TRAPPC9: variants seen among roughly 807,000 people sequenced by gnomAD.
TRAPPC9 encodes the protein IKK2 binding protein.
TRAPPC9 carries 83 observed loss-of-function variants against 124.0 expected under a neutral mutation model. The ratio of observed to expected loss-of-function variants is 0.67; its 90% confidence interval spans 0.56 to 0.80. The LOEUF (loss-of-function observed/expected upper bound fraction) is 0.80. TRAPPC9 is among the 30% of genes least tolerant of loss of function. The pLI is 0.00. For synonymous variants in TRAPPC9, 638 were observed against 617.5 expected (o/e 1.03, Z -0.49); for missense variants, 1,302 against 1,508.3 (o/e 0.86, Z 2.27).
chr8:139,903,464 C>T (rs2131235094), intron 20 of TRAPPC9, among the ~76,000 whole-genome samples: 1 of 152,328 alleles, frequency 6.6e-6, no homozygotes, highest in South Asian at 2.1e-4. Context: ...CTCAGCAAGC[C>T]TTGCACCAAT....
At chr8:140,264,632 G>C (rs13264866) in intron 15 of TRAPPC9, among the ~76,000 whole-genome samples, 1 of 150,946 alleles carries the variant, frequency 6.6e-6, no homozygotes, top group Non-Finnish European at 1.5e-5. Context: ...GAGAGCGGAG[G>C]GGGAGGGCAG....
intron 17 of TRAPPC9, among the ~76,000 whole-genome samples, chr8:140,173,616 T>C (rs563636252): frequency 5.3e-5 from 8 of 151,914 alleles, no homozygotes; most frequent in African/African-American, 1.7e-4. Context: ...AACTTGGTGA[T>C]TGAATTGCCT....
intron 21 of TRAPPC9, among the ~76,000 whole-genome samples, chr8:139,830,165 C>A (rs772249560): frequency 6.6e-6 from 1 of 152,198 alleles, no homozygotes; most frequent in Non-Finnish European, 1.5e-5. Flanking sequence ...AGGAGCCTGA[C>A]GTGCACGTGC....
intron 17 of TRAPPC9, chr8:140,096,428 C>G (rs529548912): frequency 2.0e-5 from 3 of 152,302 alleles, no homozygotes; most frequent in South Asian, 4.1e-4. Flanking sequence ...GACAGAAAAG[C>G]TGGAAACATG....
rs141113427 is a variant in TRAPPC9, at chr8:140,032,283, C to T, written c.2557-8204G>A. 5.6e-3 allele frequency among the ~76,000 whole-genome samples: 857 copies of T among 152,338 alleles called. 10 individuals are homozygous for T. The highest frequency in any genetic ancestry group is 0.02 in the African/African-American group (817 of 41,574). ...TGGCTTGCTCCCACCTCTGTCACCA[C>T]GTCCAGACCACTGTCCTCTCCCATC... On this transcript the variant is annotated intron_variant, in intron 17 of 22. Coordinates refer to ENST00000438773, the MANE Select transcript of TRAPPC9 (RefSeq NM_001160372.4).
At chr8:140,103,572 GA>G (rs2130403713) in intron 17 of TRAPPC9, among the ~76,000 whole-genome samples, 1 of 152,234 alleles carries the variant, frequency 6.6e-6, no homozygotes, top group East Asian at 1.9e-4. Flanking sequence ...GAATTATCTA[GA>G]AAAAATGTCA....
At chr8:140,380,267 T>A (rs1293271255) in intron 7 of TRAPPC9, among the ~76,000 whole-genome samples, 1 of 152,050 alleles carries the variant, frequency 6.6e-6, no homozygotes, top group South Asian at 2.1e-4. Flanking sequence ...AGAAAAAAAA[T>A]TATGATCAAC....
At chr8:140,196,093 CAAT>C (rs1166278340) in intron 17 of TRAPPC9, among the ~76,000 whole-genome samples, 2 of 149,680 alleles carry the variant, frequency 1.3e-5, no homozygotes, top group Non-Finnish European at 3.0e-5. Flanking sequence ...CTAAAACACT[CAAT>C]GATCCACACC....
rs1821391951 is a variant in TRAPPC9 at position 139,776,516 on chromosome 8, T to G, written c.3056-44314A>C. Among the ~76,000 whole-genome samples, 1 of 152,204 alleles carries G rather than the reference T, an allele frequency of 6.6e-6. No homozygotes were observed. The highest frequency in any genetic ancestry group is 2.4e-5 in the African/African-American group (1 of 41,466). ...TCAACCCATTCGGCAAACGGGAGCT[T>G]CATCGCAATAGCGACTGCCTAATTA... On this transcript the variant is annotated intron_variant, in intron 21 of 22. Transcript: ENST00000438773. This position sits in a 1 kb window ranked among gnomAD's most constrained non-coding sequence, Gnocchi z 4.1.
chr8:140,275,562 G>A (rs879322439), intron 15 of TRAPPC9, 96 bp downstream of exon 15: 23 of 1,408,932 alleles, frequency 1.6e-5, no homozygotes, highest in Non-Finnish European at 2.2e-5. Flanking sequence ...CCACAAAGAA[G>A]TTTTTAGATT....
At position 140,207,172 on chromosome 8, in the gene TRAPPC9, G is replaced by A. The variant is rs144484961; in HGVS notation, c.2556+14287C>T. ...TAAGAACTCCTGTTGACATACTAAG[G>A]ATGGTCTCCATTTCAAAGATGGCCT... is the stretch of plus-strand genomic sequence containing the variant. On this transcript the variant is annotated intron_variant, in intron 17 of 22. Coordinates refer to ENST00000438773, the MANE Select transcript of TRAPPC9 (RefSeq NM_001160372.4). Among the ~76,000 whole-genome samples, 819 of 152,284 alleles carry A rather than the reference G, an allele frequency of 5.4e-3. 5 individuals are homozygous for A. The highest frequency in any genetic ancestry group is 0.018 in the African/African-American group (745 of 41,558).
intron 9 of TRAPPC9, among the ~76,000 whole-genome samples, chr8:140,315,158 C>T (rs547258506): frequency 6.0e-5 from 9 of 150,236 alleles, no homozygotes; most frequent in South Asian, 2.1e-4. Context: ...TCTCTCATAG[C>T]GGTTTTCATT....
At chr8:139,872,942 G>A (rs2131048657) in intron 21 of TRAPPC9, among the ~76,000 whole-genome samples, 2 of 77,672 alleles carry the variant, frequency 2.6e-5, no homozygotes, top group Admixed American at 1.3e-4. Flanking sequence ...GTGGGTTGGT[G>A]GATGGGTTGG....
intron 17 of TRAPPC9, among the ~76,000 whole-genome samples, chr8:140,193,768 C>T (rs1310765794): frequency 6.6e-6 from 1 of 152,196 alleles, no homozygotes; most frequent in African/African-American, 2.4e-5. Context: ...CCAAGGCCAC[C>T]TCCAAGCTGT....
chr8:139,856,194 G>A (rs1006987044), intron 21 of TRAPPC9, among the ~76,000 whole-genome samples: 1 of 152,180 alleles, frequency 6.6e-6, no homozygotes, highest in Admixed American at 6.6e-5. Context: ...CAGATGTGGG[G>A]ATTTGGAGGA....
chr8:140,384,144 A>G (rs1198095354), intron 7 of TRAPPC9, among the ~76,000 whole-genome samples: 1 of 152,216 alleles, frequency 6.6e-6, no homozygotes, highest in Non-Finnish European at 1.5e-5. Context: ...CCTGCCCTAC[A>G]AGAGCTCCTG....
intron 7 of TRAPPC9, among the ~76,000 whole-genome samples, chr8:140,387,061 T>C (rs969871850): frequency 1.3e-5 from 2 of 152,112 alleles, no homozygotes; most frequent in African/African-American, 4.8e-5. Context: ...AAACAAGAAA[T>C]GGGGAAAGGA....
chr8:140,138,742 G>T (rs544911534), intron 17 of TRAPPC9, among the ~76,000 whole-genome samples: 2 of 152,170 alleles, frequency 1.3e-5, no homozygotes, highest in Non-Finnish European at 2.9e-5. Flanking sequence ...TGCTGTGCTC[G>T]GCCTTCAGAA....
chr8:140,437,153 T>TA lies in TRAPPC9; in HGVS notation c.730+1898_730+1899insT, dbSNP rs1240479233. 2.5e-3 allele frequency among the ~76,000 whole-genome samples: 304 copies of TA among 119,630 alleles called. 1 individual carries two copies. The highest frequency in any genetic ancestry group is 7.6e-3 in the African/African-American group (297 of 38,842). The allele number at this position is 119,630 out of a possible 152,430, so 78.5% of individuals were successfully genotyped here. ...TAATGTCTTTTTATTTTATTTTATT[T>TA]TATTTTATTTTGGTAGAAGTGAGGT... is the stretch of plus-strand genomic sequence containing the variant. On this transcript the variant is annotated intron_variant, in intron 3 of 22. Transcript: ENST00000438773.
Sources: allele counts gnomAD v4.1 joint callset (sites outside exome capture counted in the v4.1 genomes callset), GRCh38; gene constraint gnomAD v4.1.1; non-coding constraint Gnocchi (gnomAD v3.1); transcripts MANE v1.5; gene names NCBI Gene and HGNC (gene_info 2026-07-23, HGNC 2026-07-21).